Variants in MTMR9 observed in about 807,000 individuals in gnomAD.
The protein encoded by MTMR9 is myotubularin-related protein 9.
MTMR9 carries 39 observed loss-of-function variants against 69.5 expected under a neutral mutation model. The ratio of observed to expected loss-of-function variants is 0.56; its 90% CI spans 0.43 to 0.73. The LOEUF is 0.73. MTMR9 is among the 30% of genes least tolerant of loss of function. The probability of loss-of-function intolerance (pLI) is 0.00; values close to 1 mark genes in which losing one functional copy is unlikely to be tolerated. For synonymous variants in MTMR9, 354 were observed against 240.8 expected (o/e 1.47, Z -4.35); for missense variants, 900 against 671.2 (o/e 1.34, Z -3.77).
Position 11,306,187 on chromosome 8 carries a change from T to C in MTMR9, c.592-3T>C. 3.1e-6 allele frequency: 5 copies of C among 1,612,184 alleles called. No individual in the cohort carries two copies. The highest frequency in any genetic ancestry group is 3.4e-6 in the Non-Finnish European group (4 of 1,179,664). The stretch of plus-strand genomic sequence containing the variant: ...TGAATTTTCAGCTTTATTATGCTTC[T>C]AGGTAATTATGCGAAGTGGTCAGCC... On this transcript the variant is annotated splice_region_variant and splice_polypyrimidine_tract_variant and intron_variant, in intron 4 of 9. Transcript: ENST00000221086.
intron 1 of MTMR9, among the ~76,000 whole-genome samples, chr8:11,289,865 G>A (rs986133436): frequency 1.2e-4 from 18 of 152,146 alleles, no homozygotes; most frequent in African/African-American, 3.9e-4. Context: ...ATCTAAAAGA[G>A]CTTCCTTAAC....
downstream of MTMR9, chr8:11,331,330 G>C: frequency 6.2e-7 from 1 of 1,613,952 alleles, no homozygotes; most frequent in Non-Finnish European, 8.5e-7. Flanking sequence ...CTGCTCATCT[G>C]TCGATGCCTC....
Sources: gnomAD v4.1 joint callset for allele counts (sites outside exome capture counted in the v4.1 genomes callset) on GRCh38, gnomAD v4.1.1 for gene constraint, MANE v1.5 for transcripts, NCBI Gene and HGNC (gene_info 2026-07-23, HGNC 2026-07-21) for gene names.